The following FARP1 variants were observed in gnomAD, a reference collection of about 807,000 sequenced individuals.
FARP1 encodes the protein FERM, ARHGEF and pleckstrin domain-containing protein 1.
FARP1 carries 52 observed loss-of-function variants against 128.8 expected under a neutral mutation model. The ratio of observed to expected loss-of-function variants is 0.40; its 90% CI spans 0.32 to 0.51. The LOEUF is 0.51. Ranked by LOEUF, FARP1 falls within the 20% of genes least tolerant of loss-of-function variation. The pLI, the probability that FARP1 is intolerant of heterozygous loss-of-function variation, is 0.45. For missense variants in FARP1, 1,333 were observed against 1,367.9 expected, an observed-to-expected ratio of 0.97 and a Z score of 0.40; for synonymous variants, 580 against 551.8, an observed-to-expected ratio of 1.05 and a Z score of -0.72.
Position 98,368,264 on chromosome 13 carries a change from A to T in FARP1, c.398+69A>T, listed in dbSNP as rs7334632. The T allele has an allele frequency of 1.5e-3, 1,623 of 1,073,804 alleles. 15 individuals carry two copies. In the African/African-American group the frequency reaches 0.023, roughly 15 times the overall value. The allele number at this position is 1,073,804 out of a possible 1,614,324, so 66.5% of individuals were successfully genotyped here. Reference sequence around the variant, plus strand: ...AGGAAAAGAGAAAATGAATGTTCTCAATTGATGACACAAACATTTTCATAA... The same window carrying T: ...AGGAAAAGAGAAAATGAATGTTCTCTATTGATGACACAAACATTTTCATAA... On this transcript the variant is annotated intron_variant, in intron 5 of 26. Transcript: ENST00000319562.
chr13:98,145,680 T>TG (rs1334128563), intron 1 of FARP1, among the ~76,000 whole-genome samples: 4 of 152,086 alleles, frequency 2.6e-5, no homozygotes, highest in Admixed American at 6.6e-5. Flanking sequence ...CTGGCTAATA[T>TG]GGTGAAACCC....
chr13:98,250,071 C>G (rs1228540988), intron 2 of FARP1, among the ~76,000 whole-genome samples: 4 of 152,132 alleles, frequency 2.6e-5, no homozygotes, highest in Non-Finnish European at 5.9e-5. Context: ...GAAAATACAT[C>G]GCTTTAAATT....
chr13:98,378,200 G>A (rs1889673775), intron 6 of FARP1, among the ~76,000 whole-genome samples: 1 of 152,186 alleles, frequency 6.6e-6, no homozygotes, highest in Non-Finnish European at 1.5e-5. Context: ...GGATAAGCTT[G>A]GATGGATGGT....
intron 2 of FARP1, among the ~76,000 whole-genome samples, chr13:98,268,894 T>G (rs1207857950): frequency 6.6e-6 from 1 of 151,884 alleles, no homozygotes; most frequent in Non-Finnish European, 1.5e-5. Flanking sequence ...TTTTTATTTT[T>G]TTATTTTTAT....
intron 16 of FARP1, 147 bp from the exon 17 acceptor site, chr13:98,424,425 C>A (rs1257952908): frequency 6.3e-6 from 4 of 634,532 alleles, no homozygotes; most frequent in East Asian, 2.8e-5. Context: ...CTCCTTCCAA[C>A]GATAACATTC....
intron 2 of FARP1, among the ~76,000 whole-genome samples, chr13:98,339,599 A>G (rs1383415977): frequency 1.3e-5 from 2 of 152,234 alleles, no homozygotes; most frequent in Admixed American, 1.3e-4. Flanking sequence ...AACCATAGAT[A>G]GAGCCAGTAT....
At chr13:98,147,761 A>G (rs1304062604) in intron 1 of FARP1, among the ~76,000 whole-genome samples, 2 of 151,972 alleles carry the variant, frequency 1.3e-5, no homozygotes, top group East Asian at 1.9e-4. Context: ...GGCTCAAGCA[A>G]TCCTTTCATC....
chr13:98,368,965 G>A (rs1022414132), intron 5 of FARP1, among the ~76,000 whole-genome samples: 15 of 143,674 alleles, frequency 1.0e-4, no homozygotes, highest in East Asian at 1.0e-3. Flanking sequence ...TCTCTCTGTC[G>A]CCCAGGTTGG....
chr13:98,251,113 G>T (rs980975051), intron 2 of FARP1, among the ~76,000 whole-genome samples: 5 of 151,902 alleles, frequency 3.3e-5, no homozygotes, highest in Non-Finnish European at 7.3e-5. Flanking sequence ...GCACATACAT[G>T]TGTGTACATT....
chr13:98,388,571 G>C, intron 9 of FARP1, 93 bp downstream of exon 9: 1 of 948,588 alleles, frequency 1.1e-6, no homozygotes, highest in Non-Finnish European at 1.7e-6. Flanking sequence ...GGCTTCTGCT[G>C]AACCTCTGGC....
At chr13:98,287,152 T>C (rs1885210676) in intron 2 of FARP1, among the ~76,000 whole-genome samples, 1 of 150,984 alleles carries the variant, frequency 6.6e-6, no homozygotes, top group African/African-American at 2.4e-5. Context: ...TTGTTTTCTC[T>C]GCAAAAAGTC....
At chr13:98,153,521 A>AAAAATATGTATAAATATATT (rs1876247166) in intron 1 of FARP1, among the ~76,000 whole-genome samples, 1 of 15,052 alleles carries the variant, frequency 6.6e-5, no homozygotes, top group African/African-American at 8.6e-5. Flanking sequence ...ATATATATTT[A>AAAAATATGTATAAATATATT]TATATATATT....
At chr13:98,147,131 T>C (rs969067994) in intron 1 of FARP1, among the ~76,000 whole-genome samples, 5 of 152,236 alleles carry the variant, frequency 3.3e-5, no homozygotes, top group African/African-American at 1.2e-4. Context: ...CAAAACTTTT[T>C]ATAGGATGCC....
At chr13:98,246,328 C>T (rs1471045860) in intron 2 of FARP1, among the ~76,000 whole-genome samples, 1 of 39,914 alleles carries the variant, frequency 2.5e-5, no homozygotes, top group East Asian at 2.0e-3. Context: ...ATCTCCTGAC[C>T]TCGTGATCCC....
At position 98,454,820 on chromosome 13, in the gene FARP1, G is replaced by C. The variant is rs1893374624; in HGVS notation, c.*6503G>C. On this transcript the variant is annotated 3_prime_UTR_variant, in exon 27 of 27. Coordinates refer to ENST00000319562, the MANE Select transcript of FARP1 (RefSeq NM_005766.4). ...GGTACCACAGCCAAGCCTGCAGAGA[G>C]ATGATAAGCACCTCAAGAGGCAGCT... 1 of 152,248 alleles carries C rather than the reference G, an allele frequency of 6.6e-6. No homozygotes were observed. Among genetic ancestry groups the C allele is most frequent in the African/African-American group, 2.4e-5 (1 of 41,454 alleles). 9.4% of individuals were successfully genotyped at this position (152,248 alleles called of 1,614,324 possible).
intron 3 of FARP1, among the ~76,000 whole-genome samples, chr13:98,352,319 G>T (rs1356375764): frequency 1.3e-5 from 2 of 152,194 alleles, no homozygotes; most frequent in African/African-American, 2.4e-5. Context: ...ACAGGGAAAT[G>T]GTTTGAGAAG....
At chr13:98,177,177 G>A in intron 1 of FARP1, 5 of 1,607,236 alleles carry the variant, frequency 3.1e-6, no homozygotes, top group Non-Finnish European at 4.2e-6. Flanking sequence ...TTTTGAAGAG[G>A]AAGGTGCATA....
chr13:98,178,337 A>G (rs929911393), intron 1 of FARP1, among the ~76,000 whole-genome samples: 5 of 151,878 alleles, frequency 3.3e-5, no homozygotes, highest in Non-Finnish European at 7.4e-5. Context: ...CTGGGATTAC[A>G]GGTGTGTGCC....
intron 2 of FARP1, among the ~76,000 whole-genome samples, chr13:98,236,203 ATGGCAT>A (rs1449255671): frequency 6.6e-6 from 1 of 152,132 alleles, no homozygotes; most frequent in African/African-American, 2.4e-5. Flanking sequence ...CCCTCATCAC[ATGGCAT>A]TTTTTCTTCT....
Sources: allele counts gnomAD v4.1 joint callset (sites outside exome capture counted in the v4.1 genomes callset), GRCh38; gene constraint gnomAD v4.1.1; transcripts MANE v1.5; gene names NCBI Gene and HGNC (gene_info 2026-07-23, HGNC 2026-07-21).